The following PASK variants were observed in gnomAD, a reference collection of about 807,000 sequenced individuals.
The protein encoded by PASK is PAS domain-containing serine/threonine-protein kinase.
Under a neutral mutation model 121.0 loss-of-function variants are expected in PASK, and 110 were observed. That is an observed-to-expected ratio of 0.91 (90% confidence interval 0.78 to 1.06). The LOEUF (loss-of-function observed/expected upper bound fraction) is 1.06. PASK is among the 50% of genes least tolerant of loss of function. The pLI is 0.00. For missense variants in PASK, 1,643 were observed against 1,702.3 expected (o/e 0.97, Z 0.61); for synonymous variants, 686 against 717.8 (o/e 0.96, Z 0.71).
chr2:241,118,843 AC>A, intron 12 of PASK: 1 of 762,832 alleles, frequency 1.3e-6, no homozygotes, highest in Non-Finnish European at 1.7e-6. Flanking sequence ...CACACCCCGC[AC>A]CCGGTGGAGG....
rs1157627451 is a variant in PASK, at chr2:241,127,325, C to T, written c.1590G>A (p.Leu530=). Residue 530 remains leucine, a synonymous_variant, in exon 10 of 18, where the codon CTG becomes CTA. Coordinates refer to ENST00000234040, the MANE Select transcript of PASK (RefSeq NM_015148.4). ...CCACTGGTTCAGACCTGCTTTCTCC[C>T]AGAAGATCCTGTCCGGGGCTCTCTA... The part of the protein sequence containing the change: ...VAIESPGQDL[L]GESRSEPVDV... 1 of 1,614,248 alleles carries T rather than the reference C, an allele frequency of 6.2e-7. No homozygotes were observed. Among genetic ancestry groups the T allele is most frequent in the South Asian group, 1.1e-5 (1 of 91,088 alleles).
chr2:241,136,019 A>T lies in PASK; in HGVS notation c.1158T>A (p.Pro386=). The change falls in exon 8 of 18, where the codon CCT becomes CCA. Residue 386 remains proline (P), a synonymous_variant. Coordinates refer to ENST00000234040, the MANE Select transcript of PASK (RefSeq NM_015148.4). The part of the protein sequence containing the change: ...LLGKNITFLI[P]GFYSYMDLAY... ...CAAGGTCCATGTAGCTGTAGAAACC[A>T]GGAATCAGGAAAGTGATATTCTAGA... The T allele has an allele frequency of 6.2e-7, 1 of 1,614,106 alleles. No homozygotes were observed. Among genetic ancestry groups the T allele is most frequent in the Non-Finnish European group, 8.5e-7 (1 of 1,179,906 alleles).
chr2:241,133,097 C>T (rs901074572), intron 8 of PASK, 67 bp from the exon 9 acceptor site: 54 of 1,481,898 alleles, frequency 3.6e-5, no homozygotes, highest in Admixed American at 1.3e-4. Flanking sequence ...TCTGCTCATT[C>T]GCCTGGAACT....
chr2:241,123,836 G>C, intron 11 of PASK, 113 bp downstream of exon 11: 3 of 838,020 alleles, frequency 3.6e-6, no homozygotes, highest in African/African-American at 1.8e-5. Flanking sequence ...AAAAAAAAAA[G>C]CTACAAACAG....
chr2:241,136,146 T>C (rs2066417655), intron 7 of PASK, 107 bp from the exon 8 acceptor site: 1 of 1,037,832 alleles, frequency 9.6e-7, no homozygotes, highest in South Asian at 1.3e-5. Context: ...TCCCTGAGGG[T>C]TCACCCTTAA....
At position 241,122,712 on chromosome 2, in the gene PASK, C is replaced by A. The variant is rs747354036; in HGVS notation, c.3072+20G>T. ...TGTGAAGTGGTGCCCGGCGCCACTC[C>A]CCCCCCACAGCCAGGTTACCTCCTT... On this transcript the variant is annotated intron_variant, in intron 12 of 17. Coordinates refer to ENST00000234040, the MANE Select transcript of PASK (RefSeq NM_015148.4). 2 of 1,612,076 alleles carry A rather than the reference C, an allele frequency of 1.2e-6. No individual in the cohort carries two copies. The highest frequency in any genetic ancestry group is 2.2e-5 in the East Asian group (1 of 44,872).
At position 241,121,768 on chromosome 2, in the gene PASK, T is replaced by C. The variant is rs565852647; in HGVS notation, c.3072+964A>G. Among the ~76,000 whole-genome samples, 23 of 152,380 alleles carry C rather than the reference T, an allele frequency of 1.5e-4. No homozygotes were observed. In the South Asian group the frequency reaches 4.1e-3, roughly 27 times the overall value. On this transcript the variant is annotated intron_variant, in intron 12 of 17. Coordinates refer to ENST00000234040, the MANE Select transcript of PASK (RefSeq NM_015148.4). ...GAACAAGGCATATCAAATTAGGAAT[T>C]AGTTCATCAAGAAGATGCTATGATA...
chr2:241,120,388 G>A (rs2065551551), intron 12 of PASK, among the ~76,000 whole-genome samples: 1 of 152,108 alleles, frequency 6.6e-6, no homozygotes, highest in Non-Finnish European at 1.5e-5. Context: ...AGCTACTCAG[G>A]AGGCTAAGGC....
rs781012525 is a variant in PASK, at chr2:241,112,339, A to C, written c.3434T>G (p.Ile1145Arg). Residue 1145 changes from isoleucine to arginine, a missense_variant, in exon 15 of 18, where the codon ATA (isoleucine) becomes AGA (arginine). By Grantham distance (97) the Ile-to-Arg change is moderately conservative. Coordinates refer to ENST00000234040, the MANE Select transcript of PASK (RefSeq NM_015148.4). The surrounding 1 kb of genome is among the most constrained non-coding windows in gnomAD (Gnocchi z 5.2). ...CAAGTAGGCGGCCGAGCCAAAGTCT[A>C]TCAGCTTGATTGTGAAGTCCTCGGC... ...VIAEDFTIKL[I>R]DFGSAAYLER... 6.2e-7 allele frequency: 1 copy of C among 1,613,624 alleles called. No individual in the cohort carries two copies. Among genetic ancestry groups the C allele is most frequent in the Non-Finnish European group, 8.5e-7 (1 of 1,179,686 alleles).
intron 7 of PASK, among the ~76,000 whole-genome samples, chr2:241,136,354 G>A (rs1436248326): frequency 6.6e-6 from 1 of 152,238 alleles, no homozygotes; most frequent in Non-Finnish European, 1.5e-5. Context: ...GCCTGTGTTT[G>A]CAAGCCTCAC....
chr2:241,117,297 G>A (rs1170739910), intron 12 of PASK, among the ~76,000 whole-genome samples: 1 of 152,226 alleles, frequency 6.6e-6, no homozygotes, highest in African/African-American at 2.4e-5. Context: ...CCAGAAGTGA[G>A]ACTGAGGGAA....
intron 4 of PASK, chr2:241,139,634 C>T (rs1479155889): frequency 5.8e-6 from 4 of 689,372 alleles, no homozygotes; most frequent in South Asian, 3.0e-5. Context: ...GGGCCACCCA[C>T]GACACCTCCC....
chr2:241,145,920 C>T (rs747374923), intron 1 of PASK: 1 of 149,250 alleles, frequency 6.7e-6, no homozygotes, highest in Non-Finnish European at 1.5e-5. Context: ...CCTGGCGACA[C>T]AGCGAGACTC....
intron 1 of PASK, among the ~76,000 whole-genome samples, chr2:241,147,604 G>C (rs548469351): frequency 6.6e-6 from 1 of 152,236 alleles, no homozygotes; most frequent in African/African-American, 2.4e-5. Flanking sequence ...CTGGGCCACA[G>C]AGCAAGACCC....
chr2:241,108,843 CAAG>C lies in PASK; in HGVS notation c.3534-546_3534-544del, dbSNP rs1163207840. The C allele has an allele frequency of 9.5e-6, 2 of 211,336 alleles. No individual in the cohort carries two copies. Among genetic ancestry groups the C allele is most frequent in the African/African-American group, 4.6e-5 (2 of 43,610 alleles). The allele number at this position is 211,336 out of a possible 1,614,324, so 13.1% of individuals were successfully genotyped here. A position where few individuals can be genotyped will look rare whatever the true frequency, so the allele number is the denominator to read the frequency against. On this transcript the variant is annotated intron_variant, in intron 15 of 17. Coordinates refer to ENST00000234040, the MANE Select transcript of PASK (RefSeq NM_015148.4). This position sits in a 1 kb window ranked among gnomAD's most constrained non-coding sequence, Gnocchi z 5.2. ...AAAAACACCGAAGGATGAAAGCAAA[CAAG>C]AAGGACGTGGTGAAGGTGGGTGTTC...
chr2:241,120,014 GAAAAT>G (rs2065538224), intron 12 of PASK, among the ~76,000 whole-genome samples: 1 of 151,570 alleles, frequency 6.6e-6, no homozygotes, highest in Admixed American at 6.6e-5. Context: ...ATCAATGTGA[GAAAAT>G]AAATAATAAA....
At chr2:241,133,267 G>C in intron 8 of PASK, 1 of 584,600 alleles carries the variant, frequency 1.7e-6, no homozygotes, top group Non-Finnish European at 3.1e-6. Context: ...ACCCAAGTCA[G>C]AGCACGGCAC....
rs2125423223 is a variant in PASK, at chr2:241,124,139, G to A, written c.2720-6C>T. 6.2e-7 allele frequency: 1 copy of A among 1,613,164 alleles called. No homozygotes were observed. Among genetic ancestry groups the A allele is most frequent in the East Asian group, 2.2e-5 (1 of 44,876 alleles). On this transcript the variant is annotated splice_polypyrimidine_tract_variant and splice_region_variant and intron_variant, in intron 10 of 17. Coordinates refer to ENST00000234040, the MANE Select transcript of PASK (RefSeq NM_015148.4). ...CCTCACCTCAAACTGTATACCTGAA[G>A]GGTGAGAAGGTAAGAACGCACAGGC...
rs112524622 is a variant in PASK, at chr2:241,139,815, C to T, written c.600+70G>A. The T allele has an allele frequency of 7.6e-6, 11 of 1,440,522 alleles. No individual in the cohort carries two copies. The African/African-American group carries it at 1.1e-4, about 15-fold the overall frequency. 89.2% of individuals were successfully genotyped at this position (1,440,522 alleles called of 1,614,324 possible). On this transcript the variant is annotated intron_variant, in intron 4 of 17. Transcript: ENST00000234040. The stretch of plus-strand genomic sequence containing the variant: ...CCCCAGCAGAGCTCCTGGTAGGGAA[C>T]ACTGAGCTGTTCCTGCCACACACTG...
Sources: allele counts gnomAD v4.1 joint callset (sites outside exome capture counted in the v4.1 genomes callset), GRCh38; gene constraint gnomAD v4.1.1; non-coding constraint Gnocchi (gnomAD v3.1); transcripts MANE v1.5; gene names NCBI Gene and HGNC (gene_info 2026-07-23, HGNC 2026-07-21).